CASC3: variants seen among roughly 807,000 people sequenced by gnomAD.
CASC3 encodes the protein protein CASC3.
A neutral mutation model predicts 80.5 loss-of-function variants in CASC3; 30 were observed. The observed-to-expected ratio is 0.37, with a 90% CI of 0.28 to 0.51. CASC3 has a LOEUF of 0.51. Among genes scored for constraint, CASC3 ranks in the 20% least tolerant of loss-of-function variants. The probability of loss-of-function intolerance (pLI) is 0.94; values close to 1 mark genes in which losing one functional copy is unlikely to be tolerated. For synonymous variants in CASC3, 312 were observed against 333.6 expected (o/e 0.94, Z 0.70); for missense variants, 824 against 922.2 (o/e 0.89, Z 1.38).
chr17:40,143,239 AG>A (rs1424498167), intron 3 of CASC3, among the ~76,000 whole-genome samples: 1 of 152,152 alleles, frequency 6.6e-6, no homozygotes, highest in Non-Finnish European at 1.5e-5. Context: ...TGAGGCTAGG[AG>A]GTCAAGACCA....
chr17:40,141,747 A>G lies in CASC3; in HGVS notation c.297+140A>G, dbSNP rs1393551448. ...TCATTTATGCTTCTGAAAAAGTGTT[A>G]CAGAAGGTCTTGTTCACTTTAGACC... On this transcript the variant is annotated intron_variant, in intron 3 of 13. Coordinates refer to ENST00000264645, the MANE Select transcript of CASC3 (RefSeq NM_007359.5). The G allele has an allele frequency of 4.8e-5, 37 of 770,640 alleles. No individual in the cohort carries two copies. In the South Asian group the frequency reaches 5.5e-4, roughly 12 times the overall value. The allele number at this position is 770,640 out of a possible 1,614,324, so 47.7% of individuals were successfully genotyped here.
At chr17:40,154,103 G>T (rs1989081073) in intron 3 of CASC3, among the ~76,000 whole-genome samples, 1 of 137,292 alleles carries the variant, frequency 7.3e-6, no homozygotes, top group Admixed American at 7.2e-5. Flanking sequence ...ATGATGCTGA[G>T]CGTTTTTTTT....
At chr17:40,146,951 G>A (rs974570131) in intron 3 of CASC3, among the ~76,000 whole-genome samples, 5 of 152,090 alleles carry the variant, frequency 3.3e-5, no homozygotes, top group Non-Finnish European at 5.9e-5. Flanking sequence ...ATTATAAGTT[G>A]AACCATCATA....
Position 40,140,740 on chromosome 17 carries a change from G to A in CASC3, c.192G>A (p.Val64=). 2.6e-6 allele frequency: 4 copies of A among 1,533,130 alleles called. No individual in the cohort carries two copies. Among genetic ancestry groups the A allele is most frequent in the East Asian group, 2.4e-5 (1 of 41,062 alleles). 95.0% of individuals were successfully genotyped at this position (1,533,130 alleles called of 1,614,324 possible). A position where few individuals can be genotyped will look rare whatever the true frequency, so the allele number is the denominator to read the frequency against. Residue 64 remains valine, a synonymous_variant, in exon 1 of 14, where the codon GTG becomes GTA. Transcript: ENST00000264645. ...CCGGGGCCCTTCATCTGCGGCGGGT[G>A]GAGAGCGGGGGCGCCAAGAGTGCTG... ...GRTGALHLRR[V]ESGGAKSAEE...
intron 3 of CASC3, among the ~76,000 whole-genome samples, chr17:40,157,367 AAATTAATT>A (rs549448416): frequency 1.1e-4 from 16 of 147,744 alleles, no homozygotes; most frequent in South Asian, 4.2e-4. Flanking sequence ...ATAAATAAAT[AAATTAATT>A]AATTAATTAA....
chr17:40,168,617 T>G (rs1255920394), intron 11 of CASC3, 200 bp downstream of exon 11: 1 of 561,122 alleles, frequency 1.8e-6, no homozygotes, highest in Non-Finnish European at 3.2e-6. Context: ...CTTTTCAGTT[T>G]TTTTCTCCGT....
At position 40,168,673 on chromosome 17, in the gene CASC3, C is replaced by T. The variant is rs1482589027; in HGVS notation, c.1965+256C>T. ...TGGCGTGATCTCGGTTCACTGTAAC[C>T]TCCACCTCTTGGGTTCAAGCGATTC... On this transcript the variant is annotated intron_variant, in intron 11 of 13. Transcript: ENST00000264645. The T allele has an allele frequency of 1.4e-5, 6 of 431,070 alleles. No homozygotes were observed. The East Asian group carries it at 2.6e-4, about 18-fold the overall frequency. 26.7% of individuals were successfully genotyped at this position (431,070 alleles called of 1,614,324 possible).
intron 3 of CASC3, among the ~76,000 whole-genome samples, chr17:40,157,684 TAAATAATAAATA>T (rs1989187983): frequency 1.3e-5 from 2 of 151,904 alleles, no homozygotes; most frequent in Admixed American, 1.3e-4. Flanking sequence ...CCAAAATAAA[TAAATAATAAATA>T]AAATATAAAG....
In CASC3 at chr17:40,161,742, A is replaced by C; in HGVS notation, c.298-11A>C. 1 of 1,613,368 alleles carries C rather than the reference A, an allele frequency of 6.2e-7. No individual in the cohort carries two copies. Among genetic ancestry groups the C allele is most frequent in the Non-Finnish European group, 8.5e-7 (1 of 1,179,704 alleles). ...TCTTATATGCATCGCTGACAGGGAA[A>C]CTTTTTTCAGGGTGAAGAAGGTGAA... On this transcript the variant is annotated splice_polypyrimidine_tract_variant and intron_variant, in intron 3 of 13. Transcript: ENST00000264645.
At position 40,170,757 on chromosome 17, in the gene CASC3, A is replaced by G. The variant is rs765602703; in HGVS notation, c.*352A>G. On this transcript the variant is annotated 3_prime_UTR_variant, in exon 14 of 14. Transcript: ENST00000264645. ...GAAATTGAAGTGTCTTCTGTTCCCA[A>G]GGAAGCTCCTTCCTGTTTGTTTTGT... 5.1e-6 allele frequency: 5 copies of G among 985,528 alleles called. No individual in the cohort carries two copies. The highest frequency in any genetic ancestry group is 4.8e-6 in the Non-Finnish European group (4 of 829,896). The allele number at this position is 985,528 out of a possible 1,614,324, so 61.0% of individuals were successfully genotyped here. A position where few individuals can be genotyped will look rare whatever the true frequency, so the allele number is the denominator to read the frequency against.
chr17:40,164,850 G>A (rs1989407505), intron 7 of CASC3, among the ~76,000 whole-genome samples: 1 of 146,142 alleles, frequency 6.8e-6, no homozygotes, highest in African/African-American at 2.6e-5. Context: ...CTGCGTCCAG[G>A]GCTCAAACAA....
Position 40,169,400 on chromosome 17 carries a change from C to T in CASC3, c.2042C>T (p.Pro681Leu), listed in dbSNP as rs775380785. ...CAGGTGCAGCCAAAGCCCTCCCCACCCCGGAGGACTCCCCAGCCAGTCACC... is the reference window on the plus strand; with the variant it reads ...CAGGTGCAGCCAAAGCCCTCCCCACTCCGGAGGACTCCCCAGCCAGTCACC... ...QQQVQPKPSPPRRTPQPVTIK... is the reference protein window; with the variant it reads ...QQQVQPKPSPLRRTPQPVTIK... Residue 681 changes from proline to leucine, a missense_variant, in exon 12 of 14, where the codon CCC becomes CTC. Physicochemically the swap from Pro to Leu is moderately conservative, Grantham distance 98. This residue lies in a region of CASC3 where 464 missense variants were observed against 506.0 expected (regional missense o/e 0.92). Transcript: ENST00000264645. 10 of 1,612,402 alleles carry T rather than the reference C, an allele frequency of 6.2e-6. No individual in the cohort carries two copies. Among genetic ancestry groups the T allele is most frequent in the Non-Finnish European group, 8.5e-6 (10 of 1,179,346 alleles).
intron 3 of CASC3, among the ~76,000 whole-genome samples, chr17:40,151,120 A>G (rs1988996275): frequency 6.6e-6 from 1 of 152,216 alleles, no homozygotes; most frequent in South Asian, 2.1e-4. Context: ...GCCTGTACTC[A>G]GCTACTCAGG....
Position 40,163,832 on chromosome 17 carries a change from A to G in CASC3, c.1137A>G (p.Ala379=). Residue 379 remains alanine (A), a synonymous_variant, in exon 7 of 14, where the codon GCA becomes GCG. Coordinates refer to ENST00000264645, the MANE Select transcript of CASC3 (RefSeq NM_007359.5). ...TTGGCAGTCCTGAGAAGGAAGAGGC[A>G]GCCTCAGAGCCACCAGCTGCTGCTC... ...PVLGSPEKEE[A]ASEPPAAAPD... is the part of the protein sequence containing the mutation. The G allele has an allele frequency of 6.2e-7, 1 of 1,614,206 alleles. No individual in the cohort carries two copies. Among genetic ancestry groups the G allele is most frequent in the Non-Finnish European group, 8.5e-7 (1 of 1,180,034 alleles).
chr17:40,161,171 G>A (rs1384380271), intron 3 of CASC3, among the ~76,000 whole-genome samples: 1 of 150,404 alleles, frequency 6.6e-6, no homozygotes, highest in Non-Finnish European at 1.5e-5. Flanking sequence ...GTAGAGATGG[G>A]GTTTTGCCAT....
chr17:40,151,248 G>C (rs1461267870), intron 3 of CASC3, among the ~76,000 whole-genome samples: 1 of 152,042 alleles, frequency 6.6e-6, no homozygotes, highest in Non-Finnish European at 1.5e-5. Context: ...GTCTTGCTCT[G>C]TCACCCAGTC....
rs567091340 is a variant in CASC3 at position 40,160,311 on chromosome 17, A to G, written c.298-1442A>G. Reference sequence around the variant, plus strand: ...AGTTTGAGAACTGCCTAGGCAACATAGCGAGACCTCGTCTCTACTAAAAAT... The same window carrying G: ...AGTTTGAGAACTGCCTAGGCAACATGGCGAGACCTCGTCTCTACTAAAAAT... On this transcript the variant is annotated intron_variant, in intron 3 of 13. Transcript: ENST00000264645. Among the ~76,000 whole-genome samples the G allele has an allele frequency of 2.0e-5, 3 of 152,190 alleles. No homozygotes were observed. In the East Asian group the frequency reaches 5.8e-4, roughly 29 times the overall value.
Position 40,140,593 on chromosome 17 carries a change from C to A in CASC3, c.45C>A (p.Asp15Glu), listed in dbSNP as rs572495306. 3 of 1,610,414 alleles carry A rather than the reference C, an allele frequency of 1.9e-6. No individual in the cohort carries two copies. In the East Asian group the frequency reaches 6.7e-5, roughly 36 times the overall value. ...RRQRASQDTE[D>E]EESGASGSDS... ...AGCGCGCTTCGCAAGACACCGAGGA[C>A]GAGGAATCTGGTGCTTCGGGCTCCG... Residue 15 changes from aspartate (D) to glutamate (E), a missense_variant, in exon 1 of 14, where the codon GAC (aspartate) becomes GAA (glutamate). Physicochemically the swap from Asp to Glu is conservative, Grantham distance 45 (BLOSUM62 2). This residue lies in a region of CASC3 where 159 missense variants were observed against 122.2 expected (regional missense o/e 1.30). Transcript: ENST00000264645.
chr17:40,167,499 G>T lies in CASC3; in HGVS notation c.1538G>T (p.Gly513Val), dbSNP rs751068320. ...PPQFNRMEEM[G>V]VQGGRAKRYS... is the part of the protein sequence containing the mutation. ...TTTAGGCCTCTTTCTTTGTCTCAGG[G>T]TGTCCAGGGTGGTCGAGCCAAACGC... The change falls in exon 9 of 14, where the codon GGT (glycine) becomes GTT (valine). Residue 513 changes from glycine (G) to valine (V), a missense_variant and splice_region_variant. Physicochemically the swap from Gly to Val is moderately radical, Grantham distance 109. Around this residue, in one of 3 missense-constraint regions of CASC3, gnomAD observed 464 missense variants for 506.0 expected, o/e 0.92. Coordinates refer to ENST00000264645, the MANE Select transcript of CASC3 (RefSeq NM_007359.5). 1.2e-5 allele frequency: 20 copies of T among 1,612,384 alleles called. No individual in the cohort carries two copies. The East Asian group carries it at 2.9e-4, about 23-fold the overall frequency.
Sources: gnomAD v4.1 joint callset for allele counts (sites outside exome capture counted in the v4.1 genomes callset) on GRCh38, gnomAD v4.1.1 for gene constraint, gnomAD v4.1.1 regional missense constraint, MANE v1.5 for transcripts, NCBI Gene and HGNC (gene_info 2026-07-23, HGNC 2026-07-21) for gene names.